Variants in PSMD14 observed in about 807,000 individuals in gnomAD.
PSMD14 encodes proteasome 26S subunit, non-ATPase 14.
PSMD14 carries 7 observed loss-of-function variants against 41.2 expected under a neutral mutation model. That is an observed-to-expected ratio of 0.17 (90% CI 0.10 to 0.32). PSMD14 has a LOEUF of 0.32. Among genes scored for constraint, PSMD14 ranks in the 10% least tolerant of loss-of-function variants. The probability of loss-of-function intolerance (pLI) is 1.00; values close to 1 mark genes in which losing one functional copy is unlikely to be tolerated. For synonymous variants in PSMD14, 114 were observed against 122.3 expected (o/e 0.93, Z 0.45); for missense variants, 139 against 375.6 (o/e 0.37, Z 5.21).
chr2:161,312,655 T>C (rs1168629867), intron 1 of PSMD14, among the ~76,000 whole-genome samples: 1 of 152,270 alleles, frequency 6.6e-6, no homozygotes, highest in Non-Finnish European at 1.5e-5. Context: ...TGTCTGATAA[T>C]ATTTTCCATA....
chr2:161,400,145 C>T (rs1683856437), intron 10 of PSMD14, among the ~76,000 whole-genome samples: 1 of 152,142 alleles, frequency 6.6e-6, no homozygotes, highest in Non-Finnish European at 1.5e-5. Flanking sequence ...ATAACAATGG[C>T]TTAAACAAGG....
At chr2:161,397,341 G>T (rs1683814878) in intron 10 of PSMD14, among the ~76,000 whole-genome samples, 1 of 152,136 alleles carries the variant, frequency 6.6e-6, no homozygotes, top group South Asian at 2.1e-4. Flanking sequence ...AATAAATAAA[G>T]CATGGCACTG....
chr2:161,309,796 G>A (rs1689067806), intron 1 of PSMD14, among the ~76,000 whole-genome samples: 1 of 152,128 alleles, frequency 6.6e-6, no homozygotes. Context: ...TTCACCTGTT[G>A]ACTTTGGGAG....
chr2:161,361,748 G>C (rs1683291764), intron 3 of PSMD14, among the ~76,000 whole-genome samples: 1 of 152,150 alleles, frequency 6.6e-6, no homozygotes, highest in Admixed American at 6.5e-5. Context: ...GAGTGAACCA[G>C]TGGCCATTGT....
At chr2:161,365,609 G>C (rs926231078) in intron 3 of PSMD14, among the ~76,000 whole-genome samples, 1 of 152,032 alleles carries the variant, frequency 6.6e-6, no homozygotes, top group Non-Finnish European at 1.5e-5. Context: ...CAATGTTTAA[G>C]ATTGCTCTGG....
At chr2:161,398,229 T>G (rs1397836894) in intron 10 of PSMD14, among the ~76,000 whole-genome samples, 1 of 152,026 alleles carries the variant, frequency 6.6e-6, no homozygotes, top group East Asian at 1.9e-4. Context: ...ATACGGTGGG[T>G]TTTTTTAGTA....
At chr2:161,376,653 A>C (rs1203789369) in intron 7 of PSMD14, among the ~76,000 whole-genome samples, 4 of 151,926 alleles carry the variant, frequency 2.6e-5, no homozygotes, top group Admixed American at 6.6e-5. Context: ...TTCCTTGGGC[A>C]TGCTGATGAA....
chr2:161,328,053 T>C (rs1018326870), intron 3 of PSMD14, among the ~76,000 whole-genome samples: 1 of 150,508 alleles, frequency 6.6e-6, no homozygotes, highest in African/African-American at 2.4e-5. Flanking sequence ...AATAAATATA[T>C]GTTAAATGGA....
intron 1 of PSMD14, among the ~76,000 whole-genome samples, chr2:161,311,486 G>A (rs1478032096): frequency 1.3e-5 from 2 of 151,870 alleles, no homozygotes; most frequent in African/African-American, 4.8e-5. Context: ...ATGCAAATAG[G>A]GTACTATGCC....
chr2:161,346,178 C>T (rs1453991900), intron 3 of PSMD14, among the ~76,000 whole-genome samples: 1 of 152,122 alleles, frequency 6.6e-6, no homozygotes, highest in African/African-American at 2.4e-5. Context: ...CCACCGTGCT[C>T]GGCCATTTAA....
At chr2:161,394,988 GTT>G (rs112832377) in intron 9 of PSMD14, 88 bp from the exon 10 acceptor site, 273 of 849,216 alleles carry the variant, frequency 3.2e-4, no homozygotes, top group African/African-American at 2.5e-3. Flanking sequence ...AAGTCGAAAT[GTT>G]TTTTTTTTTT....
At chr2:161,393,391 T>G (rs1683741509) in intron 9 of PSMD14, among the ~76,000 whole-genome samples, 1 of 152,160 alleles carries the variant, frequency 6.6e-6, no homozygotes, top group South Asian at 2.1e-4. Flanking sequence ...TAATTTTTTT[T>G]GGCATACTGT....
intron 8 of PSMD14, among the ~76,000 whole-genome samples, chr2:161,389,385 C>T (rs1335545985): frequency 1.7e-4 from 26 of 152,192 alleles, no homozygotes; most frequent in Non-Finnish European, 7.3e-5. Context: ...GCTGATTCAC[C>T]TCCTAATGTA....
At chr2:161,333,786 A>G (rs1450546308) in intron 3 of PSMD14, among the ~76,000 whole-genome samples, 2 of 152,186 alleles carry the variant, frequency 1.3e-5, no homozygotes, top group Non-Finnish European at 2.9e-5. Flanking sequence ...TAATCCCAGC[A>G]CTTTGGGAGG....
chr2:161,381,788 G>A (rs1455286876), intron 7 of PSMD14: 2 of 151,762 alleles, frequency 1.3e-5, no homozygotes, highest in Non-Finnish European at 2.9e-5. Context: ...GAATAAATAC[G>A]GAACTCAGTA....
intron 10 of PSMD14, 176 bp from the exon 11 acceptor site, chr2:161,408,660 GT>G (rs1683986143): frequency 5.7e-6 from 3 of 525,522 alleles, no homozygotes; most frequent in Non-Finnish European, 1.0e-5. Context: ...GATGCTGATA[GT>G]TTTTATTGCC....
chr2:161,395,332 C>A, intron 10 of PSMD14, 129 bp downstream of exon 10: 1 of 933,582 alleles, frequency 1.1e-6, no homozygotes, highest in Non-Finnish European at 1.6e-6. Flanking sequence ...ATTTGCTTTG[C>A]AGTTCATCTG....
chr2:161,399,291 CAT>C (rs1683843729), intron 10 of PSMD14, among the ~76,000 whole-genome samples: 1 of 152,030 alleles, frequency 6.6e-6, no homozygotes, highest in African/African-American at 2.4e-5. Context: ...AATTTGATAA[CAT>C]GACATTAAAG....
intron 3 of PSMD14, among the ~76,000 whole-genome samples, chr2:161,350,650 TAA>T (rs1242906356): frequency 6.6e-6 from 1 of 152,190 alleles, no homozygotes; most frequent in Admixed American, 6.5e-5. Context: ...TCATTTCCAA[TAA>T]GAGTAAAAAC....
Sources: gnomAD v4.1 joint callset for allele counts (sites outside exome capture counted in the v4.1 genomes callset) on GRCh38, gnomAD v4.1.1 for gene constraint, MANE v1.5 for transcripts, NCBI Gene and HGNC (gene_info 2026-07-23, HGNC 2026-07-21) for gene names.